Variants in DUSP22 observed in about 807,000 individuals in gnomAD.
The protein encoded by DUSP22 is dual specificity phosphatase 22.
In DUSP22, 24 loss-of-function variants were observed where a neutral mutation model predicts 24.5. The ratio of observed to expected loss-of-function variants is 0.98; its 90% confidence interval spans 0.71 to 1.38. DUSP22 has a LOEUF of 1.38. DUSP22 is among the 40% of genes most tolerant of loss of function. DUSP22 has a pLI of 0.00. For missense variants in DUSP22, 330 were observed against 269.2 expected, an observed-to-expected ratio of 1.23 and a Z score of -1.58; for synonymous variants, 160 against 106.4, an observed-to-expected ratio of 1.50 and a Z score of -3.10.
At chr6:307,766 C>T (rs1355771639) in intron 2 of DUSP22, among the ~76,000 whole-genome samples, 22 of 152,420 alleles carry the variant, frequency 1.4e-4, no homozygotes, top group African/African-American at 3.4e-4. Context: ...ACTGTGTGTA[C>T]GTGAGTGGTG....
intron 4 of DUSP22, among the ~76,000 whole-genome samples, chr6:338,796 TC>T (rs1169641207): frequency 6.6e-6 from 1 of 152,306 alleles, no homozygotes; most frequent in Non-Finnish European, 1.5e-5. Context: ...CTTAAATTTT[TC>T]CCCACAAATC....
At chr6:294,140 C>T (rs1757218780) in intron 1 of DUSP22, among the ~76,000 whole-genome samples, 1 of 152,264 alleles carries the variant, frequency 6.6e-6, no homozygotes, top group South Asian at 2.1e-4. Flanking sequence ...AAGGGATCAA[C>T]GTTATTTTCA....
chr6:335,849 T>A (rs1482710269), intron 4 of DUSP22, among the ~76,000 whole-genome samples: 1 of 152,304 alleles, frequency 6.6e-6, no homozygotes, highest in Non-Finnish European at 1.5e-5. Context: ...CGGAGTGGAA[T>A]GAATAGGTCG....
chr6:335,093 T>A, intron 3 of DUSP22, 21 bp from the exon 4 acceptor site: 1 of 1,611,156 alleles, frequency 6.2e-7, no homozygotes, highest in Non-Finnish European at 8.5e-7. Flanking sequence ...TTTTATGTAT[T>A]TACTTTTTAT....
At chr6:292,856 CGA>C (rs1757155857) in intron 1 of DUSP22, among the ~76,000 whole-genome samples, 1 of 152,280 alleles carries the variant, frequency 6.6e-6, no homozygotes, top group African/African-American at 2.4e-5. Context: ...CTTGTTCTGC[CGA>C]GAGGTCAGCT....
At chr6:299,784 C>T (rs1333203500) in intron 1 of DUSP22, among the ~76,000 whole-genome samples, 4 of 152,310 alleles carry the variant, frequency 2.6e-5, no homozygotes, top group African/African-American at 9.6e-5. Flanking sequence ...AGCTCCCCAG[C>T]ACTAGGCCCA....
At chr6:296,107 A>G (rs551021442) in intron 1 of DUSP22, among the ~76,000 whole-genome samples, 36 of 152,404 alleles carry the variant, frequency 2.4e-4, no homozygotes, top group Admixed American at 9.1e-4. Context: ...TTACTTGTCA[A>G]ATAGCCAAAA....
chr6:301,487 A>G (rs1235020952), intron 1 of DUSP22, among the ~76,000 whole-genome samples: 1 of 152,304 alleles, frequency 6.6e-6, no homozygotes, highest in Non-Finnish European at 1.5e-5. Flanking sequence ...TGATTTTTTA[A>G]GTAAAAGGGT....
chr6:348,000 CTTTCTGA>C (rs1244492625), intron 5 of DUSP22, 96 bp from the exon 6 acceptor site: 6 of 1,524,418 alleles, frequency 3.9e-6, no homozygotes, highest in Non-Finnish European at 5.3e-6. Context: ...GGCAGGAAGA[CTTTCTGA>C]ACAAGGTCCT....
At chr6:301,620 C>T (rs1440420642) in intron 1 of DUSP22, among the ~76,000 whole-genome samples, 7 of 152,296 alleles carry the variant, frequency 4.6e-5, no homozygotes, top group African/African-American at 1.4e-4. Flanking sequence ...AATTGAGGCT[C>T]TGCGCAAGGC....
intron 1 of DUSP22, among the ~76,000 whole-genome samples, chr6:298,170 G>C (rs1757427384): frequency 6.6e-6 from 1 of 152,306 alleles, no homozygotes; most frequent in African/African-American, 2.4e-5. Flanking sequence ...TCGTGTTGAA[G>C]AACAGATGTT....
intron 3 of DUSP22, among the ~76,000 whole-genome samples, chr6:331,417 A>G (rs1759133616): frequency 6.6e-6 from 1 of 152,304 alleles, no homozygotes. Context: ...AGATTGTTCT[A>G]GAATTTTTAT....
intron 2 of DUSP22, among the ~76,000 whole-genome samples, chr6:311,250 G>A (rs1277059369): frequency 6.6e-6 from 1 of 152,308 alleles, no homozygotes; most frequent in Non-Finnish European, 1.5e-5. Context: ...TAACCATTTA[G>A]CTCAAGGGGG....
At chr6:315,628 C>T (rs1369276666) in intron 3 of DUSP22, among the ~76,000 whole-genome samples, 1 of 152,312 alleles carries the variant, frequency 6.6e-6, no homozygotes, top group Non-Finnish European at 1.5e-5. Context: ...CCCTGCCATG[C>T]CATCACCAGC....
chr6:328,457 T>G (rs1363770742), intron 3 of DUSP22, among the ~76,000 whole-genome samples: 1 of 152,308 alleles, frequency 6.6e-6, no homozygotes, highest in Non-Finnish European at 1.5e-5. Flanking sequence ...ATCTGACAAG[T>G]CAAATGCATG....
intron 1 of DUSP22, among the ~76,000 whole-genome samples, chr6:300,755 T>G (rs1402868701): frequency 6.6e-6 from 1 of 152,278 alleles, no homozygotes; most frequent in Non-Finnish European, 1.5e-5. Context: ...TCTTCTGCAT[T>G]TATGCATTTT....
chr6:300,562 G>A (rs1254714239), intron 1 of DUSP22, among the ~76,000 whole-genome samples: 2 of 152,304 alleles, frequency 1.3e-5, no homozygotes, highest in African/African-American at 4.8e-5. Context: ...TGGGAGAGCT[G>A]CTGCGTGGAA....
intron 2 of DUSP22, among the ~76,000 whole-genome samples, chr6:305,605 T>G (rs1757784915): frequency 6.6e-6 from 1 of 152,302 alleles, no homozygotes; most frequent in South Asian, 2.1e-4. Flanking sequence ...CTATTTTCAC[T>G]CAGCTCTGGA....
chr6:332,523 G>A (rs1199305452), intron 3 of DUSP22, among the ~76,000 whole-genome samples: 1 of 152,302 alleles, frequency 6.6e-6, no homozygotes, highest in Non-Finnish European at 1.5e-5. Context: ...CCACAAAGGG[G>A]AACACAACCA....
Sources: gnomAD v4.1 joint callset for allele counts (sites outside exome capture counted in the v4.1 genomes callset) on GRCh38, gnomAD v4.1.1 for gene constraint, MANE v1.5 for transcripts, NCBI Gene and HGNC (gene_info 2026-07-23, HGNC 2026-07-21) for gene names.